The following ARID4A variants were observed in gnomAD, a reference collection of about 807,000 sequenced individuals.
ARID4A encodes the protein AT-rich interaction domain 4A.
A neutral mutation model predicts 148.6 loss-of-function variants in ARID4A; 39 were observed. The ratio of observed to expected loss-of-function variants is 0.26; its 90% confidence interval spans 0.20 to 0.34. The LOEUF (loss-of-function observed/expected upper bound fraction) is 0.34. Ranked by LOEUF, ARID4A falls within the 10% of genes least tolerant of loss-of-function variation. The probability of loss-of-function intolerance (pLI) is 1.00; values close to 1 mark genes in which losing one functional copy is unlikely to be tolerated. For synonymous variants in ARID4A, 475 were observed against 481.2 expected (o/e 0.99, Z 0.17); for missense variants, 1,265 against 1,449.1 (o/e 0.87, Z 2.06).
intron 10 of ARID4A, 79 bp from the exon 11 acceptor site, chr14:58,329,924 G>T: frequency 6.6e-7 from 1 of 1,517,020 alleles, no homozygotes; most frequent in South Asian, 1.4e-5. Context: ...TCAGATCTTT[G>T]ATTCTGAATG....
At chr14:58,369,291 A>T (rs2035496890) in intron 23 of ARID4A, among the ~76,000 whole-genome samples, 1 of 152,158 alleles carries the variant, frequency 6.6e-6, no homozygotes, top group Admixed American at 6.5e-5. Context: ...TGGGGGTGAA[A>T]ATCACCAAAG....
At chr14:58,343,485 C>A (rs775384597) in intron 11 of ARID4A, among the ~76,000 whole-genome samples, 30 of 152,142 alleles carry the variant, frequency 2.0e-4, no homozygotes, top group Non-Finnish European at 3.4e-4. Context: ...ACCGAAGACT[C>A]AACATTTATT....
Position 58,364,776 on chromosome 14 carries a change from A to G in ARID4A, c.2687A>G (p.Lys896Arg). 2 of 1,614,186 alleles carry G rather than the reference A, an allele frequency of 1.2e-6. No homozygotes were observed. The highest frequency in any genetic ancestry group is 1.7e-6 in the Non-Finnish European group (2 of 1,180,014). Reference protein sequence around the residue: ...TSDCIGSEGMKNLNFEQHFER... With the variant: ...TSDCIGSEGMRNLNFEQHFER... The stretch of plus-strand genomic sequence containing the variant: ...GATTGTATTGGATCTGAGGGAATGA[A>G]AAACTTAAATTTTGAACAGCACTTT... Residue 896 changes from lysine to arginine, a missense_variant, in exon 20 of 24, where the codon AAA (lysine) becomes AGA (arginine). Lys to Arg is a conservative substitution (Grantham distance 26). Transcript: ENST00000355431.
intron 17 of ARID4A, among the ~76,000 whole-genome samples, chr14:58,354,688 TA>T (rs201953201): frequency 2.7e-3 from 328 of 123,364 alleles, no homozygotes; most frequent in Admixed American, 4.1e-3. Context: ...GTCTCATAAA[TA>T]AAAAAAAAAA....
intron 17 of ARID4A, among the ~76,000 whole-genome samples, chr14:58,354,736 G>T (rs1431707674): frequency 6.6e-6 from 1 of 151,856 alleles, no homozygotes; most frequent in Non-Finnish European, 1.5e-5. Flanking sequence ...ATTGGATCCT[G>T]TCAGGAAGTT....
intron 18 of ARID4A, among the ~76,000 whole-genome samples, chr14:58,359,981 G>A (rs1313584152): frequency 6.6e-6 from 1 of 151,954 alleles, no homozygotes; most frequent in Non-Finnish European, 1.5e-5. Context: ...CAGGAGAATG[G>A]CGTGAACCCA....
intron 2 of ARID4A, 107 bp downstream of exon 2, chr14:58,299,967 A>G (rs2030999008): frequency 4.0e-6 from 6 of 1,489,996 alleles, no homozygotes; most frequent in East Asian, 4.5e-5. Context: ...TGATGTTCCT[A>G]CTGATCAGCA....
Position 58,353,696 on chromosome 14 carries a change from A to G in ARID4A, c.1694A>G (p.Glu565Gly), listed in dbSNP as rs752124426. The G allele has an allele frequency of 5.6e-6, 9 of 1,614,048 alleles. No individual in the cohort carries two copies. The Admixed American group carries it at 1.5e-4, about 27-fold the overall frequency. ...AGCAAATGTGACTCTGAAGGAGAGG[A>G]AGATGAGGAAGACATGGAACCCTGC... Reference protein sequence around the residue: ...TESKCDSEGEEDEEDMEPCLT... With the variant: ...TESKCDSEGEGDEEDMEPCLT... Residue 565 changes from glutamate (E) to glycine (G), a missense_variant, in exon 17 of 24, where the codon GAA becomes GGA. Physicochemically the swap from Glu to Gly is moderately conservative, Grantham distance 98 (BLOSUM62 -2). Around this residue, in one of 9 missense-constraint regions of ARID4A, gnomAD observed 205 missense variants for 196.9 expected, o/e 1.04. Transcript: ENST00000355431.
Position 58,365,278 on chromosome 14 carries a change from A to C in ARID4A, c.3189A>C (p.Gln1063His). 1 of 1,608,912 alleles carries C rather than the reference A, an allele frequency of 6.2e-7. No individual in the cohort carries two copies. The highest frequency in any genetic ancestry group is 8.5e-7 in the Non-Finnish European group (1 of 1,176,904). Residue 1063 changes from glutamine to histidine, a missense_variant, in exon 20 of 24, where the codon CAA becomes CAC. Gln to His is a conservative substitution (Grantham distance 24). Coordinates refer to ENST00000355431, the MANE Select transcript of ARID4A (RefSeq NM_002892.4). Reference sequence around the variant, plus strand: ...CTGGTACCTGTAGTATAATTGTACAAGAGAGAGAGAGCAGAGAGAAGGGTA... The same window carrying C: ...CTGGTACCTGTAGTATAATTGTACACGAGAGAGAGAGCAGAGAGAAGGGTA... ...VASGTCSIIV[Q>H]ERESREKGQK...
At chr14:58,346,987 T>C in intron 13 of ARID4A, 33 bp from the exon 14 acceptor site, 1 of 387,360 alleles carries the variant, frequency 2.6e-6, no homozygotes, top group Non-Finnish European at 4.6e-6. Flanking sequence ...TAATTCCCTT[T>C]GCAAATGTTA....
intron 17 of ARID4A, among the ~76,000 whole-genome samples, chr14:58,356,610 C>T (rs373551742): frequency 4.0e-5 from 6 of 151,484 alleles, no homozygotes; most frequent in African/African-American, 1.5e-4. Context: ...CAGTTCCTAA[C>T]TTATAGTGGT....
Position 58,332,467 on chromosome 14 carries a change from T to C in ARID4A, c.906+2298T>C, listed in dbSNP as rs192781554. ...TTTCTCTGGCCATACAGGAAGATTT[T>C]CTTGAGTGAAATTTTGTTGCTTTAG... On this transcript the variant is annotated intron_variant, in intron 11 of 23. Transcript: ENST00000355431. Among the ~76,000 whole-genome samples the C allele has an allele frequency of 4.2e-3, 638 of 152,300 alleles. 4 individuals are homozygous for C. Among genetic ancestry groups the C allele is most frequent in the Non-Finnish European group, 6.9e-3 (466 of 67,986 alleles).
intron 18 of ARID4A, among the ~76,000 whole-genome samples, chr14:58,359,845 T>G (rs963685820): frequency 6.6e-6 from 1 of 152,126 alleles, no homozygotes; most frequent in Admixed American, 6.5e-5. Context: ...GGCGGGCGGA[T>G]CACGAGGTCA....
intron 7 of ARID4A, among the ~76,000 whole-genome samples, chr14:58,320,843 G>C (rs895548010): frequency 1.3e-5 from 2 of 151,812 alleles, no homozygotes; most frequent in Non-Finnish European, 2.9e-5. Context: ...TCCTGACCTC[G>C]TGATCTGCCC....
intron 4 of ARID4A, among the ~76,000 whole-genome samples, chr14:58,305,674 G>T (rs2145595): frequency 1.3e-5 from 2 of 152,132 alleles, no homozygotes; most frequent in Middle Eastern, 3.4e-3. Flanking sequence ...ACAGTTCTTC[G>T]ATTTAATTTT....
intron 5 of ARID4A, among the ~76,000 whole-genome samples, chr14:58,308,657 A>G (rs1016264505): frequency 2.0e-5 from 3 of 152,230 alleles, no homozygotes; most frequent in Admixed American, 1.3e-4. Context: ...AAAAAACAGT[A>G]CAATGAAATG....
intron 17 of ARID4A, among the ~76,000 whole-genome samples, chr14:58,354,660 AT>A (rs1339432519): frequency 2.6e-5 from 4 of 150,984 alleles, no homozygotes; most frequent in African/African-American, 9.7e-5. Context: ...TCCAGCCTGG[AT>A]GATAGAGCGA....
chr14:58,370,281 AT>A (rs1388261009), intron 23 of ARID4A, among the ~76,000 whole-genome samples: 1 of 152,214 alleles, frequency 6.6e-6, no homozygotes, highest in Non-Finnish European at 1.5e-5. Context: ...GGTGACATAC[AT>A]TTCAGACAAT....
intron 11 of ARID4A, among the ~76,000 whole-genome samples, chr14:58,331,729 TAATG>T (rs1040838820): frequency 6.6e-6 from 1 of 152,174 alleles, no homozygotes; most frequent in Non-Finnish European, 1.5e-5. Flanking sequence ...ATGAAAATGA[TAATG>T]AGACAGTTTG....
Sources: allele counts gnomAD v4.1 joint callset (sites outside exome capture counted in the v4.1 genomes callset), GRCh38; gene constraint gnomAD v4.1.1; regional missense constraint gnomAD v4.1.1; transcripts MANE v1.5; gene names NCBI Gene and HGNC (gene_info 2026-07-23, HGNC 2026-07-21).